The following PAWR variants were observed in gnomAD, a reference collection of about 807,000 sequenced individuals.
The protein encoded by PAWR is pro-apoptotic WT1 regulator.
Under a neutral mutation model 32.0 loss-of-function variants are expected in PAWR, and 23 were observed. The ratio of observed to expected loss-of-function variants is 0.72; its 90% CI spans 0.52 to 1.02. The LOEUF (loss-of-function observed/expected upper bound fraction) is 1.02, where lower values mean the gene tolerates loss of function less well. PAWR is among the 50% of genes least tolerant of loss of function. The pLI is 0.00. For synonymous variants in PAWR, 226 were observed against 187.1 expected, an observed-to-expected ratio of 1.21 and a Z score of -1.70; for missense variants, 457 against 437.7, an observed-to-expected ratio of 1.04 and a Z score of -0.39.
At chr12:79,624,834 T>G (rs968019371) in intron 2 of PAWR, among the ~76,000 whole-genome samples, 3 of 152,198 alleles carry the variant, frequency 2.0e-5, no homozygotes, top group Admixed American at 1.3e-4. Context: ...CAGAGCTTTA[T>G]TGATGAACAT....
rs180806215 is a variant in PAWR at position 79,658,541 on chromosome 12, A to G, written c.516+31188T>C. Among the ~76,000 whole-genome samples, 589 of 152,348 alleles carry G rather than the reference A, an allele frequency of 3.9e-3. 5 individuals are homozygous for G. Among genetic ancestry groups the G allele is most frequent in the South Asian group, 0.018 (89 of 4,828 alleles). On this transcript the variant is annotated intron_variant, in intron 2 of 6. Transcript: ENST00000328827. ...GATGCACATCATCAGTACACATAAG[A>G]ATTTAATCAGTAAATTAAATGTAGT...
chr12:79,686,927 A>G, intron 2 of PAWR, among the ~76,000 whole-genome samples: 1 of 152,152 alleles, frequency 6.6e-6, no homozygotes, highest in East Asian at 1.9e-4. Flanking sequence ...CTCCTTGAGA[A>G]TATACACTGC....
intron 2 of PAWR, among the ~76,000 whole-genome samples, chr12:79,651,981 G>A (rs556706001): frequency 1.3e-3 from 196 of 152,226 alleles, no homozygotes; most frequent in African/African-American, 4.6e-3. Context: ...TATGCTAGAG[G>A]AAATAAGCCA....
intron 2 of PAWR, among the ~76,000 whole-genome samples, chr12:79,640,693 G>C (rs1322553653): frequency 6.6e-6 from 1 of 152,162 alleles, no homozygotes; most frequent in Non-Finnish European, 1.5e-5. Context: ...GCTGCAGTGA[G>C]CCGTGATCAT....
chr12:79,590,788 C>T lies in PAWR; in HGVS notation c.*1819G>A, dbSNP rs896886588. 3.9e-5 allele frequency: 6 copies of T among 152,124 alleles called. No individual in the cohort carries two copies. The highest frequency in any genetic ancestry group is 9.7e-5 in the African/African-American group (4 of 41,414). 9.4% of individuals were successfully genotyped at this position (152,124 alleles called of 1,614,324 possible). ...CCTGTCATGTGGGCAGATCACTGTT[C>T]CCATGCTGGGTAAGAGTCTCCAAGA... is the stretch of plus-strand genomic sequence containing the variant. On this transcript the variant is annotated 3_prime_UTR_variant, in exon 7 of 7. Transcript: ENST00000328827.
intron 2 of PAWR, among the ~76,000 whole-genome samples, chr12:79,656,433 C>A (rs978224373): frequency 2.6e-5 from 4 of 151,924 alleles, no homozygotes; most frequent in African/African-American, 9.7e-5. Flanking sequence ...TGAATGGATG[C>A]GTAACATGGG....
chr12:79,629,406 T>A lies in PAWR; in HGVS notation c.517-8199A>T, dbSNP rs533354026. The stretch of plus-strand genomic sequence containing the variant: ...ATGAATAAATAGGGATATTACATAA[T>A]GATAAAGGGGTCAATTCATCCAGAA... On this transcript the variant is annotated intron_variant, in intron 2 of 6. Transcript: ENST00000328827. Among the ~76,000 whole-genome samples the A allele has an allele frequency of 1.2e-4, 19 of 152,118 alleles. No individual in the cohort carries two copies. In the East Asian group the frequency reaches 3.7e-3, roughly 29 times the overall value.
At chr12:79,658,354 T>G (rs1371698398) in intron 2 of PAWR, among the ~76,000 whole-genome samples, 1 of 152,210 alleles carries the variant, frequency 6.6e-6, no homozygotes, top group Non-Finnish European at 1.5e-5. Flanking sequence ...CTTAGAGGTC[T>G]ATCATCCCAT....
At chr12:79,661,107 A>C (rs1363081178) in intron 2 of PAWR, among the ~76,000 whole-genome samples, 2 of 151,646 alleles carry the variant, frequency 1.3e-5, no homozygotes, top group Non-Finnish European at 2.9e-5. Flanking sequence ...ATCTCTAACA[A>C]AAATACAAAA....
At chr12:79,620,707 C>T (rs575586288) in intron 3 of PAWR, among the ~76,000 whole-genome samples, 2 of 152,200 alleles carry the variant, frequency 1.3e-5, no homozygotes, top group Middle Eastern at 3.4e-3. Flanking sequence ...TGTGCCAGAG[C>T]GCAGGCAGGA....
intron 2 of PAWR, among the ~76,000 whole-genome samples, chr12:79,649,423 A>G (rs1290396284): frequency 6.6e-6 from 1 of 152,044 alleles, no homozygotes; most frequent in Non-Finnish European, 1.5e-5. Flanking sequence ...ATAACATACA[A>G]TACATGTATG....
intron 4 of PAWR, among the ~76,000 whole-genome samples, chr12:79,612,288 A>G (rs1329371381): frequency 6.6e-6 from 1 of 151,974 alleles, no homozygotes; most frequent in Non-Finnish European, 1.5e-5. Context: ...ACTACTTCAG[A>G]CTTAACTACT....
chr12:79,632,352 T>TACA (rs1875737400), intron 2 of PAWR, among the ~76,000 whole-genome samples: 1 of 57,030 alleles, frequency 1.8e-5, no homozygotes, highest in Non-Finnish European at 2.9e-5. Context: ...TATATATATA[T>TACA]ATATATATAT....
At position 79,600,648 on chromosome 12, in the gene PAWR, C is replaced by CTTTTT. The variant is rs1025749975; in HGVS notation, c.684-3995_684-3991dup. ...AGGCATATGCCACCACCATACCTGG[C>CTTTTT]TTTTTTTTTTTTTTTTTTTTTTGTA... On this transcript the variant is annotated intron_variant, in intron 4 of 6. Coordinates refer to ENST00000328827, the MANE Select transcript of PAWR (RefSeq NM_002583.4). Among the ~76,000 whole-genome samples the CTTTTT allele has an allele frequency of 1.5e-3, 158 of 102,360 alleles. 1 individual carries two copies. The highest frequency in any genetic ancestry group is 3.8e-3 in the African/African-American group (84 of 22,228). The allele number at this position is 102,360 out of a possible 152,430, so 67.2% of individuals were successfully genotyped here.
At position 79,689,942 on chromosome 12, in the gene PAWR, C is replaced by G; in HGVS notation, c.303G>C (p.Ala101=). 1 of 1,402,790 alleles carries G rather than the reference C, an allele frequency of 7.1e-7. No homozygotes were observed. Among genetic ancestry groups the G allele is most frequent in the African/African-American group, 1.5e-5 (1 of 65,668 alleles). The allele number at this position is 1,402,790 out of a possible 1,614,324, so 86.9% of individuals were successfully genotyped here. The change falls in exon 2 of 7, where the codon GCG becomes GCC. Residue 101 remains alanine (A), a synonymous_variant. Transcript: ENST00000328827. ...CCTCCGACCGCCGCGGGCCGGGGGC[C>G]GCCCGCGTCAGCATGGCGGAGCCGA... ...CAVGSAMLTR[A]APGPRRSEDE...
chr12:79,635,915 T>C (rs961144145), intron 2 of PAWR, among the ~76,000 whole-genome samples: 2 of 152,100 alleles, frequency 1.3e-5, no homozygotes, highest in East Asian at 3.9e-4. Flanking sequence ...AACTAAATAC[T>C]AGGGTGTTTG....
chr12:79,664,547 G>A (rs1429041546), intron 2 of PAWR, among the ~76,000 whole-genome samples: 2 of 151,662 alleles, frequency 1.3e-5, no homozygotes. Context: ...TCATTATCTT[G>A]TTTGGGGCCA....
At chr12:79,594,804 C>G (rs1273230572) in intron 5 of PAWR, among the ~76,000 whole-genome samples, 1 of 152,070 alleles carries the variant, frequency 6.6e-6, no homozygotes, top group Non-Finnish European at 1.5e-5. Flanking sequence ...GCAACCTCCA[C>G]CTCCTGGGTT....
At chr12:79,613,865 G>A (rs1874550581) in intron 3 of PAWR, among the ~76,000 whole-genome samples, 1 of 133,584 alleles carries the variant, frequency 7.5e-6, no homozygotes, top group Non-Finnish European at 1.6e-5. Flanking sequence ...AAGGCCGGGG[G>A]CATCACTCAT....
Sources: allele counts gnomAD v4.1 joint callset (sites outside exome capture counted in the v4.1 genomes callset), GRCh38; gene constraint gnomAD v4.1.1; transcripts MANE v1.5; gene names NCBI Gene and HGNC (gene_info 2026-07-23, HGNC 2026-07-21).